DCHS2: variants seen among roughly 807,000 people sequenced by gnomAD.
DCHS2 encodes protocadherin-23.
Under a neutral mutation model 182.4 loss-of-function variants are expected in DCHS2, and 142 were observed. That is an observed-to-expected ratio of 0.78 (90% CI 0.68 to 0.89). The LOEUF is 0.89. Among genes scored for constraint, DCHS2 ranks in the 40% least tolerant of loss-of-function variants. The probability of loss-of-function intolerance (pLI) is 0.00; values close to 1 mark genes in which losing one functional copy is unlikely to be tolerated. For synonymous variants in DCHS2, 1,740 were observed against 1,663.3 expected, an observed-to-expected ratio of 1.05 and a Z score of -1.12; for missense variants, 4,319 against 4,198.6, an observed-to-expected ratio of 1.03 and a Z score of -0.79.
chr4:154,391,413 A>C, intron 1 of DCHS2: 2 of 1,395,742 alleles, frequency 1.4e-6, no homozygotes, highest in Non-Finnish European at 1.9e-6. Flanking sequence ...CACTTGCAGC[A>C]TAAAGAAAGC....
At position 154,377,297 on chromosome 4, in the gene DCHS2, T is replaced by C. The variant is rs778205441; in HGVS notation, c.2200A>G (p.Arg734Gly). 12 of 1,613,676 alleles carry C rather than the reference T, an allele frequency of 7.4e-6. No individual in the cohort carries two copies. Among genetic ancestry groups the C allele is most frequent in the Non-Finnish European group, 1.0e-5 (12 of 1,179,714 alleles). Residue 734 changes from arginine to glycine, a missense_variant, in exon 2 of 20, where the codon AGG becomes GGG. Arg to Gly is a moderately radical substitution (Grantham distance 125). Coordinates refer to ENST00000357232, the MANE Select transcript of DCHS2 (RefSeq NM_001358235.2). The part of the protein sequence containing the change: ...ICVSQDIDRE[R>G]DPATYDLLVE... The stretch of plus-strand genomic sequence containing the variant: ...AGGAGATCATAGGTAGCTGGATCCC[T>C]TTCCCTGTCGATATCTTGAGAAACA...
At chr4:154,275,139 C>A (rs979597511) in intron 13 of DCHS2, among the ~76,000 whole-genome samples, 7 of 151,778 alleles carry the variant, frequency 4.6e-5, no homozygotes, top group African/African-American at 1.7e-4. Flanking sequence ...AGAAGCCTTT[C>A]AATGCCTAAC....
intron 1 of DCHS2, among the ~76,000 whole-genome samples, chr4:154,404,160 C>T (rs1173429443): frequency 6.6e-6 from 1 of 152,034 alleles, no homozygotes; most frequent in East Asian, 1.9e-4. Flanking sequence ...ATATGTAAAA[C>T]ATTTCCCTCT....
At chr4:154,322,947 TATTC>T (rs1258852592) in intron 7 of DCHS2, 1 of 371,110 alleles carries the variant, frequency 2.7e-6, no homozygotes, top group African/African-American at 2.0e-5. Flanking sequence ...TATCACCAAA[TATTC>T]AGTAAGTTTT....
Position 154,242,724 on chromosome 4 carries a change from C to A in DCHS2, c.6990G>T (p.Thr2330=). ...CAGTCACCTGTACCTTGATTACAGT[C>A]GTATTAGAAAGCCTGGGCATCCCTT... The part of the protein sequence containing the change: ...TDKGMPRLSN[T]TVIKVQVTDI... The change falls in exon 17 of 20, where the codon ACG becomes ACT. Residue 2330 remains threonine, a synonymous_variant. Coordinates refer to ENST00000357232, the MANE Select transcript of DCHS2 (RefSeq NM_001358235.2). 6.2e-7 allele frequency: 1 copy of A among 1,612,770 alleles called. No individual in the cohort carries two copies. The highest frequency in any genetic ancestry group is 1.1e-5 in the South Asian group (1 of 90,968).
intron 12 of DCHS2, 57 bp downstream of exon 12, chr4:154,304,612 G>C (rs1418572730): frequency 3.9e-6 from 6 of 1,528,702 alleles, no homozygotes; most frequent in African/African-American, 1.4e-5. Context: ...CTGGGTGACA[G>C]AGTGAGACTC....
intron 3 of DCHS2, chr4:154,343,761 C>A: frequency 9.8e-7 from 1 of 1,022,606 alleles, no homozygotes; most frequent in Non-Finnish European, 1.3e-6. Context: ...CAATGAGTCT[C>A]TTTTGCTTTC....
chr4:154,468,880 G>A (rs1264856702), intron 1 of DCHS2, among the ~76,000 whole-genome samples: 2 of 152,096 alleles, frequency 1.3e-5, no homozygotes, highest in African/African-American at 4.8e-5. Context: ...ATGCTATTGT[G>A]AAGGCACTTA....
intron 1 of DCHS2, among the ~76,000 whole-genome samples, chr4:154,470,929 G>C (rs528102325): frequency 3.7e-4 from 57 of 152,206 alleles, no homozygotes; most frequent in African/African-American, 1.3e-3. Flanking sequence ...AACCACATTT[G>C]GATATCAAGA....
intron 1 of DCHS2, among the ~76,000 whole-genome samples, chr4:154,412,273 G>A (rs757391791): frequency 6.6e-6 from 1 of 152,114 alleles, no homozygotes; most frequent in Non-Finnish European, 1.5e-5. Context: ...TCTGAGCGCA[G>A]AGCAAAATCT....
intron 1 of DCHS2, among the ~76,000 whole-genome samples, chr4:154,377,879 T>C (rs898415014): frequency 6.6e-6 from 1 of 152,128 alleles, no homozygotes; most frequent in African/African-American, 2.4e-5. Context: ...GCCCCCCACC[T>C]TTGAGAGCAG....
At position 154,234,247 on chromosome 4, in the gene DCHS2, C is replaced by T. The variant is rs770124480; in HGVS notation, c.*289G>A. The T allele has an allele frequency of 4.7e-5, 13 of 278,086 alleles. No individual in the cohort carries two copies. The highest frequency in any genetic ancestry group is 8.0e-5 in the Non-Finnish European group (12 of 150,788). 17.2% of individuals were successfully genotyped at this position (278,086 alleles called of 1,614,324 possible). A position where few individuals can be genotyped will look rare whatever the true frequency, so the allele number is the denominator to read the frequency against. On this transcript the variant is annotated 3_prime_UTR_variant, in exon 20 of 20. Transcript: ENST00000357232. The stretch of plus-strand genomic sequence containing the variant: ...TGGCAGTCAGTTAAGTTCACTGTGT[C>T]CTTTGGAAGTCTAATCATACAGACA...
chr4:154,460,239 T>G (rs1734955825), intron 1 of DCHS2, among the ~76,000 whole-genome samples: 1 of 152,224 alleles, frequency 6.6e-6, no homozygotes, highest in Non-Finnish European at 1.5e-5. Context: ...ATGTAAATGC[T>G]AAGTGTTATT....
In DCHS2 at chr4:154,322,398, C is replaced by T; in HGVS notation, c.4109G>A (p.Arg1370Lys). Residue 1370 changes from arginine (R) to lysine (K), a missense_variant, in exon 8 of 20, where the codon AGA becomes AAA. Arg to Lys is a conservative substitution (Grantham distance 26). Transcript: ENST00000357232. ...CTGGTCAGTGGCAATGACACTCATTCTGTAGGAAGGTCTATAATCATACGA... is the reference window on the plus strand; with the variant it reads ...CTGGTCAGTGGCAATGACACTCATTTTGTAGGAAGGTCTATAATCATACGA... ...ILSYDYRPSY[R>K]MSVIATDQGV... is the part of the protein sequence containing the mutation. The T allele has an allele frequency of 1.2e-6, 2 of 1,613,766 alleles. No individual in the cohort carries two copies.
At position 154,366,261 on chromosome 4, in the gene DCHS2, C is replaced by A. The variant is rs1189900596; in HGVS notation, c.2425G>T (p.Glu809Ter). 6 of 1,613,738 alleles carry A rather than the reference C, an allele frequency of 3.7e-6. No individual in the cohort carries two copies. The East Asian group carries it at 1.1e-4, about 30-fold the overall frequency. ...DSGIYGTVAY[E>*]LIPGNVSSLF... is the part of the protein sequence containing the mutation. ...GACGACACGTTTCCTGGAATAAGCT[C>A]ATAAGCCACTGTCCCATATATCCCA... Residue 809 changes from glutamate (E) to a stop codon, truncating the protein, a stop_gained, in exon 3 of 20, where the codon GAG becomes TAG. Transcript: ENST00000357232. LOFTEE classifies it high-confidence loss of function.
intron 14 of DCHS2, among the ~76,000 whole-genome samples, chr4:154,267,414 CT>C (rs1733333264): frequency 6.6e-6 from 1 of 152,108 alleles, no homozygotes; most frequent in African/African-American, 2.4e-5. Flanking sequence ...GAATTCCAAC[CT>C]TTCCTCATCC....
In DCHS2 at chr4:154,244,374, C is replaced by T. The variant is rs144808082; in HGVS notation, c.6942-1602G>A. On this transcript the variant is annotated intron_variant, in intron 16 of 19. Transcript: ENST00000357232. Reference sequence around the variant, plus strand: ...CATACCTCTCTTATTGTGTATATATCACATTCTAATGTATAATTATTGGCT... The same window carrying T: ...CATACCTCTCTTATTGTGTATATATTACATTCTAATGTATAATTATTGGCT... Among the ~76,000 whole-genome samples the T allele has an allele frequency of 7.7e-3, 1,170 of 152,254 alleles. 9 individuals carry two copies. The highest frequency in any genetic ancestry group is 0.027 in the African/African-American group (1,120 of 41,556).
intron 1 of DCHS2, among the ~76,000 whole-genome samples, chr4:154,383,382 C>A (rs1247516650): frequency 6.6e-6 from 1 of 152,070 alleles, no homozygotes; most frequent in African/African-American, 2.4e-5. Flanking sequence ...ATTGCCTGGG[C>A]GATGGGATCA....
chr4:154,311,557 C>A (rs544438878), intron 10 of DCHS2, among the ~76,000 whole-genome samples: 1 of 152,194 alleles, frequency 6.6e-6, no homozygotes, highest in Admixed American at 6.5e-5. Context: ...TGTATAATGC[C>A]TCGACTGTAC....
Sources: gnomAD v4.1 joint callset for allele counts (sites outside exome capture counted in the v4.1 genomes callset) on GRCh38, gnomAD v4.1.1 for gene constraint, MANE v1.5 for transcripts, NCBI Gene and HGNC (gene_info 2026-07-23, HGNC 2026-07-21) for gene names.